The following DLG2 variants were observed in gnomAD, a reference collection of about 807,000 sequenced individuals.
DLG2 encodes the protein disks large homolog 2.
DLG2 carries 45 observed loss-of-function variants against 132.5 expected under a neutral mutation model. The ratio of observed to expected loss-of-function variants is 0.34; its 90% CI spans 0.27 to 0.44. DLG2 has a LOEUF of 0.44. Ranked by LOEUF, DLG2 falls within the 20% of genes least tolerant of loss-of-function variation. DLG2 has a pLI of 1.00. For synonymous variants in DLG2, 424 were observed against 419.6 expected (o/e 1.01, Z -0.13); for missense variants, 1,045 against 1,196.9 (o/e 0.87, Z 1.87).
intron 7 of DLG2, chr11:84,273,306 GA>G (rs752762450): frequency 0.2 from 156,013 of 767,994 alleles, 67 homozygotes; most frequent in Non-Finnish European, 0.21. Flanking sequence ...AGTTGAAGAG[GA>G]AAAAAAAAAA....
intron 8 of DLG2, among the ~76,000 whole-genome samples, chr11:84,208,700 T>C (rs1242448906): frequency 6.6e-6 from 1 of 152,170 alleles, no homozygotes; most frequent in Non-Finnish European, 1.5e-5. Flanking sequence ...AATGGTGTTT[T>C]GGCTGAAAAC....
intron 4 of DLG2, among the ~76,000 whole-genome samples, chr11:85,177,558 C>T (rs1260869393): frequency 6.6e-6 from 1 of 151,948 alleles, no homozygotes; most frequent in East Asian, 1.9e-4. Context: ...GGAAGAAAAG[C>T]TAATGGATGC....
intron 6 of DLG2, among the ~76,000 whole-genome samples, chr11:84,895,023 C>A (rs2089995705): frequency 1.3e-5 from 2 of 152,116 alleles, no homozygotes; most frequent in Admixed American, 1.3e-4. Context: ...ATTATTAACA[C>A]ACTGTATGAC....
intron 7 of DLG2, among the ~76,000 whole-genome samples, chr11:84,492,267 ATGATT>A (rs983573307): frequency 2.0e-4 from 31 of 152,138 alleles, no homozygotes; most frequent in Admixed American, 3.3e-4. Flanking sequence ...ATAATCAGTG[ATGATT>A]TGATTTGTTT....
chr11:85,178,996 A>G (rs928464768), intron 4 of DLG2, among the ~76,000 whole-genome samples: 3 of 151,970 alleles, frequency 2.0e-5, no homozygotes. Context: ...AGATGAGTCC[A>G]CCGATAGAAA....
At chr11:83,477,941 C>CTCA (rs1250580517) in intron 22 of DLG2, among the ~76,000 whole-genome samples, 1 of 152,002 alleles carries the variant, frequency 6.6e-6, no homozygotes, top group Non-Finnish European at 1.5e-5. Context: ...TAGCAAGTTC[C>CTCA]TCATCTTTCC....
chr11:83,964,167 T>C (rs1049234058), intron 13 of DLG2, among the ~76,000 whole-genome samples: 3 of 149,242 alleles, frequency 2.0e-5, no homozygotes, highest in African/African-American at 4.9e-5. Context: ...TTAGAGTCGT[T>C]TTCTCCCTTT....
chr11:85,607,206 C>T (rs1431124616), intron 2 of DLG2, among the ~76,000 whole-genome samples: 4 of 152,200 alleles, frequency 2.6e-5, no homozygotes, highest in East Asian at 3.9e-4. Flanking sequence ...GCACAGCCGC[C>T]GGACTAAAGA....
At chr11:84,764,014 A>G (rs1193825042) in intron 6 of DLG2, among the ~76,000 whole-genome samples, 2 of 152,108 alleles carry the variant, frequency 1.3e-5, no homozygotes, top group Non-Finnish European at 2.9e-5. Context: ...CCTGGCTTAC[A>G]ATTAGTACAG....
chr11:83,928,440 T>C (rs1056105344), intron 15 of DLG2, among the ~76,000 whole-genome samples: 2 of 151,724 alleles, frequency 1.3e-5, no homozygotes, highest in Admixed American at 6.6e-5. Flanking sequence ...AAAATCCCCA[T>C]TGGAATGGAA....
chr11:85,178,320 G>A (rs918893267), intron 4 of DLG2, among the ~76,000 whole-genome samples: 1 of 151,964 alleles, frequency 6.6e-6, no homozygotes, highest in South Asian at 2.1e-4. Context: ...TATGCCTAAA[G>A]AGAATAACAC....
chr11:85,448,157 G>A (rs2092091531), intron 3 of DLG2, among the ~76,000 whole-genome samples: 1 of 152,092 alleles, frequency 6.6e-6, no homozygotes, highest in Non-Finnish European at 1.5e-5. Context: ...ACCTTACAAT[G>A]TTTTCATGAG....
intron 6 of DLG2, among the ~76,000 whole-genome samples, chr11:85,081,273 A>G (rs1257256978): frequency 1.3e-5 from 2 of 152,180 alleles, no homozygotes; most frequent in South Asian, 2.1e-4. Context: ...AGTAAACTCT[A>G]TATTATAGCA....
intron 6 of DLG2, among the ~76,000 whole-genome samples, chr11:84,764,661 G>A (rs1181912817): frequency 2.0e-5 from 3 of 152,002 alleles, no homozygotes; most frequent in Admixed American, 2.0e-4. Flanking sequence ...ACAAATAGAA[G>A]AGCATATATA....
At chr11:84,727,354 C>G (rs966731639) in intron 6 of DLG2, among the ~76,000 whole-genome samples, 1 of 152,104 alleles carries the variant, frequency 6.6e-6, no homozygotes, top group African/African-American at 2.4e-5. Context: ...AATAGGGAAT[C>G]TTTTTCCCAT....
At chr11:84,318,307 T>C (rs974140919) in intron 7 of DLG2, among the ~76,000 whole-genome samples, 4 of 152,252 alleles carry the variant, frequency 2.6e-5, no homozygotes, top group African/African-American at 9.6e-5. Flanking sequence ...ATAATTTTTA[T>C]TCTGTTTGAA....
intron 3 of DLG2, among the ~76,000 whole-genome samples, chr11:85,330,455 T>C (rs1168370000): frequency 4.3e-4 from 15 of 34,788 alleles, no homozygotes; most frequent in African/African-American, 1.4e-3. Flanking sequence ...CCATAAAAAA[T>C]GATGAGTTCA....
intron 6 of DLG2, among the ~76,000 whole-genome samples, chr11:84,967,656 C>T (rs1435103239): frequency 1.3e-5 from 2 of 152,054 alleles, no homozygotes; most frequent in Non-Finnish European, 2.9e-5. Flanking sequence ...ACTTGAAGAA[C>T]ATGATATACC....
intron 18 of DLG2, among the ~76,000 whole-genome samples, chr11:83,720,581 C>T (rs1474850374): frequency 6.6e-6 from 1 of 152,028 alleles, no homozygotes; most frequent in East Asian, 1.9e-4. Context: ...ATGGATCTCT[C>T]CCTGAACCCA....
Sources: gnomAD v4.1 joint callset for allele counts (sites outside exome capture counted in the v4.1 genomes callset) on GRCh38, gnomAD v4.1.1 for gene constraint, MANE v1.5 for transcripts, NCBI Gene and HGNC (gene_info 2026-07-23, HGNC 2026-07-21) for gene names.